The following ACSM3 variants were observed in gnomAD, a reference collection of about 807,000 sequenced individuals.
ACSM3 encodes acyl-coenzyme A synthetase ACSM3, mitochondrial.
ACSM3 carries 61 observed loss-of-function variants against 74.1 expected under a neutral mutation model. That is an observed-to-expected ratio of 0.82 (90% CI 0.67 to 1.02). The LOEUF is 1.02. ACSM3 is among the 50% of genes least tolerant of loss of function. The pLI, the probability that ACSM3 is intolerant of heterozygous loss-of-function variation, is 0.00. For missense variants in ACSM3, 660 were observed against 697.0 expected (o/e 0.95, Z 0.60); for synonymous variants, 213 against 241.5 (o/e 0.88, Z 1.09).
intron 1 of ACSM3, chr16:20,721,834 T>C (rs1454971456): frequency 6.6e-6 from 1 of 152,210 alleles, no homozygotes; most frequent in Admixed American, 6.5e-5. Flanking sequence ...GTAGGAAAGA[T>C]ATAATTCCTA....
chr16:20,793,641 G>A (rs2152489648), intron 12 of ACSM3, among the ~76,000 whole-genome samples: 1 of 152,316 alleles, frequency 6.6e-6, no homozygotes, highest in African/African-American at 2.4e-5. Flanking sequence ...ATAGCCCAGT[G>A]GCTGGGAATT....
At chr16:20,795,312 G>A (rs1334600498) in intron 12 of ACSM3, among the ~76,000 whole-genome samples, 8 of 152,164 alleles carry the variant, frequency 5.3e-5, no homozygotes, top group Admixed American at 5.2e-4. Context: ...GACCCACTGT[G>A]CCTGGCCACA....
chr16:20,767,539 A>AAC lies in ACSM3; in HGVS notation c.-51-2444_-51-2443insCA, dbSNP rs1222068561. The stretch of plus-strand genomic sequence containing the variant: ...CTCAAAAAAAAAAAAAAAAAAAAAA[A>AAC]AAAAAACAGGGACCGGTAGTTCCCT... On this transcript the variant is annotated intron_variant, in intron 1 of 13. Coordinates refer to ENST00000289416, the MANE Select transcript of ACSM3 (RefSeq NM_005622.4). Among the ~76,000 whole-genome samples, 7 of 15,720 alleles carry AAC rather than the reference A, an allele frequency of 4.5e-4. 3 individuals are homozygous for AAC. The allele number at this position is 15,720 out of a possible 152,430, so 10.3% of individuals were successfully genotyped here.
At chr16:20,781,403 T>A (rs1011847462) in intron 6 of ACSM3, among the ~76,000 whole-genome samples, 4 of 152,068 alleles carry the variant, frequency 2.6e-5, no homozygotes, top group African/African-American at 7.2e-5. Flanking sequence ...AAATAAAAAA[T>A]ACCATGTAAC....
Position 20,756,774 on chromosome 16 carries a change from C to T in ACSM3, c.-52+1158C>T, listed in dbSNP as rs539378272. 5.0e-3 allele frequency among the ~76,000 whole-genome samples: 762 copies of T among 152,256 alleles called. 8 individuals carry two copies. The highest frequency in any genetic ancestry group is 0.017 in the African/African-American group (706 of 41,532). Reference sequence around the variant, plus strand: ...AGGGTTTTTATGGGTTTAGGTCTAACGTTTAAGTCTTTAATCCAACTTGAA... The same window carrying T: ...AGGGTTTTTATGGGTTTAGGTCTAATGTTTAAGTCTTTAATCCAACTTGAA... On this transcript the variant is annotated intron_variant, in intron 3 of 3. Coordinates refer to the ACSM3 transcript ENST00000561584.
intron 7 of ACSM3, 146 bp downstream of exon 7, chr16:20,781,933 C>T (rs924216989): frequency 1.6e-6 from 1 of 630,934 alleles, no homozygotes; most frequent in Non-Finnish European, 2.8e-6. Flanking sequence ...CTCCTTCTTG[C>T]CTGCATTCTG....
Position 20,796,461 on chromosome 16 carries a change from C to T in ACSM3, c.1646C>T (p.Thr549Ile), listed in dbSNP as rs2080726048. 6 of 1,613,630 alleles carry T rather than the reference C, an allele frequency of 3.7e-6. No homozygotes were observed. In the South Asian group the frequency reaches 5.5e-5, roughly 15 times the overall value. Residue 549 changes from threonine to isoleucine, a missense_variant, in exon 13 of 14, where the codon ACT (threonine) becomes ATT (isoleucine). Transcript: ENST00000289416. ...IKEIQEHVKK[T>I]TAPYKYPRKV... is the part of the protein sequence containing the mutation. ...GAGATTCAGGAGCATGTTAAAAAAA[C>T]TACAGCACCTTACAAATATCCCAGA...
intron 1 of ACSM3, among the ~76,000 whole-genome samples, chr16:20,696,328 C>T (rs2079689693): frequency 6.6e-6 from 1 of 152,218 alleles, no homozygotes; most frequent in Admixed American, 6.5e-5. Flanking sequence ...TTTCCATCCA[C>T]ATCTGTCTTC....
At chr16:20,724,951 ACTG>A (rs1228043628) in intron 1 of ACSM3, among the ~76,000 whole-genome samples, 1 of 152,232 alleles carries the variant, frequency 6.6e-6, no homozygotes, top group Non-Finnish European at 1.5e-5. Flanking sequence ...AAATGGCCAT[ACTG>A]CCCAAGGTAA....
At chr16:20,733,346 C>T (rs2079842693) in intron 1 of ACSM3, among the ~76,000 whole-genome samples, 1 of 151,960 alleles carries the variant, frequency 6.6e-6, no homozygotes, top group South Asian at 2.1e-4. Context: ...TTCTACTTAA[C>T]AACTTTATGA....
intron 2 of ACSM3, among the ~76,000 whole-genome samples, chr16:20,751,810 T>C (rs1227747534): frequency 6.6e-6 from 1 of 152,250 alleles, no homozygotes; most frequent in Admixed American, 6.5e-5. Flanking sequence ...ATTTAAGGGA[T>C]ATATTGACAT....
chr16:20,716,855 T>G (rs1311228825), intron 1 of ACSM3, among the ~76,000 whole-genome samples: 2 of 152,174 alleles, frequency 1.3e-5, no homozygotes, highest in Non-Finnish European at 2.9e-5. Context: ...GGCCTGGTAT[T>G]GGGTCTGATC....
In ACSM3 at chr16:20,790,944, A is replaced by G. The variant is rs184660016; in HGVS notation, c.1326+256A>G. 1,754 of 1,613,222 alleles carry G rather than the reference A, an allele frequency of 1.1e-3. 1 individual carries two copies. The highest frequency in any genetic ancestry group is 1.1e-3 in the Non-Finnish European group (1,315 of 1,179,452). On this transcript the variant is annotated intron_variant, in intron 10 of 13. Coordinates refer to ENST00000289416, the MANE Select transcript of ACSM3 (RefSeq NM_005622.4). This position sits in a 1 kb window ranked among gnomAD's most constrained non-coding sequence, Gnocchi z 4.0. ...AAGAGGAAGGGACCCTAGAAAGAGG[A>G]CAGCCTCTTAACATCCCCTGATCCT...
At chr16:20,788,597 A>G (rs950817350) in intron 9 of ACSM3, among the ~76,000 whole-genome samples, 2 of 152,158 alleles carry the variant, frequency 1.3e-5, no homozygotes, top group African/African-American at 4.8e-5. Context: ...ATGTGTTCCA[A>G]CCAGGTGAAT....
upstream of ACSM3, among the ~76,000 whole-genome samples, chr16:20,760,681 T>G (rs187821391): frequency 6.6e-6 from 1 of 152,042 alleles, no homozygotes; most frequent in Non-Finnish European, 1.5e-5. Context: ...GAAGACAGGC[T>G]GTTAATATTC....
At chr16:20,789,367 T>C in intron 9 of ACSM3, 1 of 792,184 alleles carries the variant, frequency 1.3e-6, no homozygotes, top group Non-Finnish European at 2.2e-6. Context: ...AGGTTTAGCA[T>C]TAATTACTTA....
chr16:20,678,040 A>AAATAAATAAATAAATAAATG (rs1401099135), intron 1 of ACSM3, among the ~76,000 whole-genome samples: 3 of 151,752 alleles, frequency 2.0e-5, no homozygotes, highest in African/African-American at 7.3e-5. Context: ...ATAAATAAAT[A>AAATAAATAAATAAATAAATG]AATGAGACAA....
chr16:20,732,157 C>G (rs375227200), intron 1 of ACSM3, among the ~76,000 whole-genome samples: 2 of 152,212 alleles, frequency 1.3e-5, no homozygotes, highest in South Asian at 2.1e-4. Context: ...CCAAAGAAAC[C>G]ATGAAATCTT....
intron 2 of ACSM3, among the ~76,000 whole-genome samples, chr16:20,771,264 T>A (rs1748089237): frequency 6.6e-6 from 1 of 152,324 alleles, no homozygotes; most frequent in Non-Finnish European, 1.5e-5. Context: ...TTTTGCCATG[T>A]TGGCCAGGCT....
Sources: allele counts gnomAD v4.1 joint callset (sites outside exome capture counted in the v4.1 genomes callset), GRCh38; gene constraint gnomAD v4.1.1; non-coding constraint Gnocchi (gnomAD v3.1); transcripts MANE v1.5; gene names NCBI Gene and HGNC (gene_info 2026-07-23, HGNC 2026-07-21).